The following HECW2 variants were observed in gnomAD, a reference collection of about 807,000 sequenced individuals.
HECW2 encodes E3 ubiquitin-protein ligase HECW2.
A neutral mutation model predicts 175.2 loss-of-function variants in HECW2; 61 were observed. That is an observed-to-expected ratio of 0.35 (90% CI 0.28 to 0.43). The LOEUF (loss-of-function observed/expected upper bound fraction) is 0.43, where lower values mean the gene tolerates loss of function less well. Ranked by LOEUF, HECW2 falls within the 20% of genes least tolerant of loss-of-function variation. The probability of loss-of-function intolerance (pLI) is 1.00; values close to 1 mark genes in which losing one functional copy is unlikely to be tolerated. For missense variants in HECW2, 1,524 were observed against 2,000.5 expected, an observed-to-expected ratio of 0.76 and a Z score of 4.54; for synonymous variants, 671 against 731.0, an observed-to-expected ratio of 0.92 and a Z score of 1.32.
chr2:196,328,315 G>A (rs1054701955), intron 5 of HECW2, among the ~76,000 whole-genome samples: 2 of 152,110 alleles, frequency 1.3e-5, no homozygotes, highest in Non-Finnish European at 2.9e-5. Flanking sequence ...GTGCCCTTCT[G>A]CAAACCTAGA....
chr2:196,324,667 A>C (rs903793148), intron 6 of HECW2, among the ~76,000 whole-genome samples: 1 of 152,158 alleles, frequency 6.6e-6, no homozygotes, highest in Non-Finnish European at 1.5e-5. Context: ...CCTTATTTTA[A>C]ATGTTCATAT....
chr2:196,327,519 C>A (rs1692198863), intron 5 of HECW2, among the ~76,000 whole-genome samples: 1 of 152,180 alleles, frequency 6.6e-6, no homozygotes, highest in Non-Finnish European at 1.5e-5. Flanking sequence ...AATGAAAATA[C>A]ATTTTTAATT....
rs1686785894 is a variant in HECW2 at position 196,199,389 on chromosome 2, C to T, written c.*1888G>A. On this transcript the variant is annotated 3_prime_UTR_variant, in exon 29 of 29. Transcript: ENST00000644978. ...TTCTTATTTCCAGATTTCTATAACC[C>T]TTTTTCAGAACATTTCTTCACACTG... 6.6e-6 allele frequency: 1 copy of T among 152,348 alleles called. No individual in the cohort carries two copies. Among genetic ancestry groups the T allele is most frequent in the South Asian group, 2.1e-4 (1 of 4,826 alleles). 9.4% of individuals were successfully genotyped at this position (152,348 alleles called of 1,614,324 possible).
intron 2 of HECW2, among the ~76,000 whole-genome samples, chr2:196,425,911 T>C (rs1019691835): frequency 1.3e-4 from 20 of 152,214 alleles, no homozygotes; most frequent in African/African-American, 3.6e-4. Flanking sequence ...ATAGCATTCA[T>C]GCTACAGAGA....
At chr2:196,339,452 A>G (rs1211220309) in intron 3 of HECW2, among the ~76,000 whole-genome samples, 3 of 152,230 alleles carry the variant, frequency 2.0e-5, no homozygotes, top group African/African-American at 4.8e-5. Context: ...ATATTCCTCA[A>G]TGATCACATA....
rs537242912 is a variant in HECW2, at chr2:196,593,273, C to G, written c.-36+235G>C. ...CGCGAAGCCATGGCTCCCGCCCGCG[C>G]TCGGGAGGGCGCCGGGGGTCCTGCG... On this transcript the variant is annotated intron_variant, in intron 1 of 28. Coordinates refer to ENST00000644978, the MANE Select transcript of HECW2 (RefSeq NM_001348768.2). Among the ~76,000 whole-genome samples, 504 of 151,374 alleles carry G rather than the reference C, an allele frequency of 3.3e-3. 3 individuals carry two copies. The highest frequency in any genetic ancestry group is 5.0e-3 in the Non-Finnish European group (336 of 67,730).
Position 196,308,034 on chromosome 2 carries a change from A to C in HECW2, c.2486T>G (p.Val829Gly). ...SHGRIFYVDH[V>G]NRTTTWQRPT... is the part of the protein sequence containing the mutation. Reference sequence around the variant, plus strand: ...TCGCTGCCACGTCGTGGTTCTGTTTACGTGATCCACGTAGAAGATCCTGCC... The same window carrying C: ...TCGCTGCCACGTCGTGGTTCTGTTTCCGTGATCCACGTAGAAGATCCTGCC... The change falls in exon 11 of 29, where the codon GTA becomes GGA. Residue 829 changes from valine to glycine, a missense_variant. Around this residue, in one of 11 missense-constraint regions of HECW2, gnomAD observed 82 missense variants for 124.4 expected, o/e 0.66. Coordinates refer to ENST00000644978, the MANE Select transcript of HECW2 (RefSeq NM_001348768.2). 6.2e-7 allele frequency: 1 copy of C among 1,601,432 alleles called. No homozygotes were observed. The highest frequency in any genetic ancestry group is 1.1e-5 in the South Asian group (1 of 89,678).
rs143599492 is a variant in HECW2, at chr2:196,317,322, G to A, written c.2386C>T (p.Arg796Cys). The change falls in exon 10 of 29, where the codon CGC becomes TGC. Residue 796 changes from arginine (R) to cysteine (C), a missense_variant. Transcript: ENST00000644978. ...CTCTGGTACCGGCTAACATCCTGGCGCACTGAAGGTAGTGATCGCAGTGGC... is the reference window on the plus strand; with the variant it reads ...CTCTGGTACCGGCTAACATCCTGGCACACTGAAGGTAGTGATCGCAGTGGC... ...HQPLRSLPSVRQDVSRYQRVD... is the reference protein window; with the variant it reads ...HQPLRSLPSVCQDVSRYQRVD... 2.5e-5 allele frequency: 41 copies of A among 1,613,466 alleles called. No individual in the cohort carries two copies. Among genetic ancestry groups the A allele is most frequent in the Non-Finnish European group, 3.3e-5 (39 of 1,179,812 alleles).
intron 7 of HECW2, among the ~76,000 whole-genome samples, chr2:196,321,194 G>C (rs564223793): frequency 2.0e-5 from 3 of 152,136 alleles, no homozygotes; most frequent in Non-Finnish European, 4.4e-5. Flanking sequence ...CCTGTGGTGG[G>C]GTCATATCCC....
At chr2:196,449,123 G>A (rs867980012) in intron 1 of HECW2, among the ~76,000 whole-genome samples, 5 of 152,216 alleles carry the variant, frequency 3.3e-5, no homozygotes, top group Middle Eastern at 3.4e-3. Context: ...AAAGATATGG[G>A]GAAAAAGGAA....
At chr2:196,250,284 T>C (rs1298791987) in intron 19 of HECW2, among the ~76,000 whole-genome samples, 1 of 152,244 alleles carries the variant, frequency 6.6e-6, no homozygotes, top group Admixed American at 6.5e-5. Context: ...CATGATTAAA[T>C]ATCTAAGCAG....
chr2:196,243,260 C>T (rs181279992), intron 19 of HECW2, among the ~76,000 whole-genome samples: 5 of 150,086 alleles, frequency 3.3e-5, no homozygotes, highest in African/African-American at 1.2e-4. Context: ...CTCCATCTCC[C>T]GGGTTCAAGT....
intron 28 of HECW2, among the ~76,000 whole-genome samples, chr2:196,208,857 T>A (rs1383008444): frequency 1.3e-5 from 2 of 152,172 alleles, no homozygotes; most frequent in African/African-American, 2.4e-5. Flanking sequence ...GGAGTCTGGA[T>A]TTTATTCTAA....
rs529225537 is a variant in HECW2 at position 196,549,767 on chromosome 2, G to A, written c.-36+43741C>T. Among the ~76,000 whole-genome samples, 31 of 152,186 alleles carry A rather than the reference G, an allele frequency of 2.0e-4. 1 individual carries two copies. The highest frequency in any genetic ancestry group is 1.2e-3 in the East Asian group (6 of 5,182). On this transcript the variant is annotated intron_variant, in intron 1 of 28. Coordinates refer to ENST00000644978, the MANE Select transcript of HECW2 (RefSeq NM_001348768.2). ...AATACAAGCAATTTTCTTCAGCAAT[G>A]CCTCCACAGATATTTTCCTAGAAAA... is the stretch of plus-strand genomic sequence containing the variant.
At chr2:196,473,527 A>T (rs1167772808) in intron 1 of HECW2, among the ~76,000 whole-genome samples, 1 of 152,234 alleles carries the variant, frequency 6.6e-6, no homozygotes, top group Non-Finnish European at 1.5e-5. Flanking sequence ...CCAGACCCTG[A>T]AAGTTAAAAA....
At position 196,450,913 on chromosome 2, in the gene HECW2, C is replaced by T. The variant is rs180918814; in HGVS notation, c.-35-17455G>A. ...TTAGACCAAATAACTGACACTATCT[C>T]TCCAAGTATATCCAAATTTGTTAAA... On this transcript the variant is annotated intron_variant, in intron 1 of 28. Coordinates refer to ENST00000644978, the MANE Select transcript of HECW2 (RefSeq NM_001348768.2). Among the ~76,000 whole-genome samples, 5 of 152,240 alleles carry T rather than the reference C, an allele frequency of 3.3e-5. No homozygotes were observed. The East Asian group carries it at 9.6e-4, about 29-fold the overall frequency.
intron 1 of HECW2, among the ~76,000 whole-genome samples, chr2:196,484,658 T>C (rs984557681): frequency 6.6e-6 from 1 of 152,114 alleles, no homozygotes; most frequent in East Asian, 1.9e-4. Flanking sequence ...CTCTTGTTCA[T>C]CTCCTAAACT....
chr2:196,566,172 A>G (rs1256375145), intron 1 of HECW2, among the ~76,000 whole-genome samples: 1 of 152,122 alleles, frequency 6.6e-6, no homozygotes, highest in Non-Finnish European at 1.5e-5. Flanking sequence ...AAATTACTCT[A>G]ATGGACTACT....
At chr2:196,349,807 A>T (rs1304799592) in intron 2 of HECW2, among the ~76,000 whole-genome samples, 1 of 152,202 alleles carries the variant, frequency 6.6e-6, no homozygotes, top group Non-Finnish European at 1.5e-5. Context: ...TACTAACTAT[A>T]TAATGACACA....
Sources: allele counts gnomAD v4.1 joint callset (sites outside exome capture counted in the v4.1 genomes callset), GRCh38; gene constraint gnomAD v4.1.1; regional missense constraint gnomAD v4.1.1; transcripts MANE v1.5; gene names NCBI Gene and HGNC (gene_info 2026-07-23, HGNC 2026-07-21).